The following RGS3 variants were observed in gnomAD, a reference collection of about 807,000 sequenced individuals.
The protein encoded by RGS3 is regulator of G-protein signalling 3.
RGS3 carries 80 observed loss-of-function variants against 132.6 expected under a neutral mutation model. The observed-to-expected ratio is 0.60, with a 90% CI of 0.50 to 0.73. RGS3 has a LOEUF of 0.73. Among genes scored for constraint, RGS3 ranks in the 30% least tolerant of loss-of-function variants. RGS3 has a pLI of 0.00. For synonymous variants in RGS3, 598 were observed against 620.6 expected, an observed-to-expected ratio of 0.96 and a Z score of 0.54; for missense variants, 1,382 against 1,530.8, an observed-to-expected ratio of 0.90 and a Z score of 1.62.
intron 1 of RGS3, among the ~76,000 whole-genome samples, chr9:113,453,030 T>C (rs1353929810): frequency 1.5e-5 from 2 of 131,170 alleles, no homozygotes; most frequent in Non-Finnish European, 3.1e-5. Flanking sequence ...ATATATAATA[T>C]ATAATATATA....
chr9:113,594,091 CTG>C (rs777603286), intron 21 of RGS3: 6 of 1,612,952 alleles, frequency 3.7e-6, no homozygotes, highest in Non-Finnish European at 5.1e-6. Flanking sequence ...CTGGCTCCTC[CTG>C]TCTGAGTCCC....
chr9:113,480,107 A>T (rs1368609735), intron 4 of RGS3, among the ~76,000 whole-genome samples: 1 of 152,200 alleles, frequency 6.6e-6, no homozygotes, highest in Non-Finnish European at 1.5e-5. Flanking sequence ...TACTGTTAGT[A>T]AAGTGCTTAG....
Position 113,537,181 on chromosome 9 carries a change from C to T in RGS3, c.2037+263C>T, listed in dbSNP as rs908236778. Among the ~76,000 whole-genome samples the T allele has an allele frequency of 6.6e-5, 10 of 152,216 alleles. No homozygotes were observed. Among genetic ancestry groups the T allele is most frequent in the African/African-American group, 9.6e-5 (4 of 41,456 alleles). On this transcript the variant is annotated intron_variant, in intron 19 of 24. Coordinates refer to ENST00000350696, the Ensembl canonical transcript of RGS3. This position sits in a 1 kb window ranked among gnomAD's most constrained non-coding sequence, Gnocchi z 4.3. ...CCCATCAGTTCTGCACTCTGTTCTT[C>T]GGTTTGCCTATGGCAAGGTTTAATT...
chr9:113,525,683 G>C (rs1394913446), intron 17 of RGS3, among the ~76,000 whole-genome samples: 1 of 152,172 alleles, frequency 6.6e-6, no homozygotes, highest in Non-Finnish European at 1.5e-5. Context: ...GGCTGGCAGG[G>C]GCTGCTCCCT....
chr9:113,571,809 T>C (rs1048222265), intron 19 of RGS3, among the ~76,000 whole-genome samples: 8 of 152,238 alleles, frequency 5.3e-5, no homozygotes, highest in Non-Finnish European at 1.2e-4. Flanking sequence ...GACATATACT[T>C]TTATGTATTC....
At chr9:113,514,616 C>T (rs765374726) in exon 15 of RGS3, 51 of 1,613,898 alleles carry the variant, frequency 3.2e-5, no homozygotes, top group Non-Finnish European at 4.2e-5. Context: ...CTACGTCACC[C>T]TGGCCCCCAA....
At chr9:113,496,171 G>A (rs1290793865) in intron 8 of RGS3, among the ~76,000 whole-genome samples, 1 of 152,208 alleles carries the variant, frequency 6.6e-6, no homozygotes, top group Non-Finnish European at 1.5e-5. Context: ...GCCTGCCCCA[G>A]AAGATGAGGG....
chr9:113,532,611 G>T (rs972201406), intron 18 of RGS3, among the ~76,000 whole-genome samples: 8 of 152,198 alleles, frequency 5.3e-5, no homozygotes. Flanking sequence ...GGCAGCAGAG[G>T]GTGGTTCTTG....
intron 19 of RGS3, among the ~76,000 whole-genome samples, chr9:113,561,754 A>G (rs1002843520): frequency 2.0e-5 from 3 of 152,088 alleles, no homozygotes; most frequent in Non-Finnish European, 2.9e-5. Flanking sequence ...TCTTCACGCA[A>G]TGGAAGCAGT....
At chr9:113,454,880 ATTC>A (rs1829333086) in intron 1 of RGS3, among the ~76,000 whole-genome samples, 1 of 151,918 alleles carries the variant, frequency 6.6e-6, no homozygotes, top group African/African-American at 2.4e-5. Context: ...GTTCCCTGTA[ATTC>A]TTTGGTGGTT....
intron 10 of RGS3, 114 bp downstream of exon 8, chr9:113,498,194 C>A (rs748856108): frequency 1.2e-6 from 1 of 818,400 alleles, no homozygotes; most frequent in Non-Finnish European, 2.1e-6. Flanking sequence ...CTCAGCAAGT[C>A]ATGTACTCAG....
At position 113,596,030 on chromosome 9, in the gene RGS3, A is replaced by G. The variant is rs567292772; in HGVS notation, c.3411+265A>G. ...TGCGTTCTCATGTTTAATCCACACA[A>G]CAACCTGTGAAACGAAGAGACAGGC... is the stretch of plus-strand genomic sequence containing the variant. On this transcript the variant is annotated intron_variant, in intron 24 of 24. Transcript: ENST00000350696. Among the ~76,000 whole-genome samples, 12 of 152,338 alleles carry G rather than the reference A, an allele frequency of 7.9e-5. No individual in the cohort carries two copies. The East Asian group carries it at 2.3e-3, about 29-fold the overall frequency.
intron 19 of RGS3, among the ~76,000 whole-genome samples, chr9:113,562,322 A>G (rs1028113848): frequency 5.9e-5 from 9 of 152,068 alleles, no homozygotes; most frequent in Non-Finnish European, 1.0e-4. Flanking sequence ...CTAAAAATGC[A>G]AAAAATCAGC....
intron 21 of RGS3, chr9:113,593,448 C>T (rs1414952314): frequency 6.5e-6 from 1 of 153,196 alleles, no homozygotes; most frequent in African/African-American, 2.4e-5. Context: ...TAAAGTGAAA[C>T]ATTTATTATT....
At chr9:113,524,545 G>A (rs1391272051) in intron 17 of RGS3, among the ~76,000 whole-genome samples, 1 of 152,248 alleles carries the variant, frequency 6.6e-6, no homozygotes, top group Non-Finnish European at 1.5e-5. Context: ...GCTACAATTT[G>A]GGTGGAGGTG....
chr9:113,596,257 C>T (rs1490690709), intron 24 of RGS3, among the ~76,000 whole-genome samples: 1 of 152,216 alleles, frequency 6.6e-6, no homozygotes, highest in Non-Finnish European at 1.5e-5. Context: ...TCGCTTGAAC[C>T]CGGGAGGCGG....
At chr9:113,559,263 G>A (rs1833693062) in intron 19 of RGS3, among the ~76,000 whole-genome samples, 1 of 152,258 alleles carries the variant, frequency 6.6e-6, no homozygotes, top group Non-Finnish European at 1.5e-5. Context: ...CACAAGCACA[G>A]TGGGTCGAGG....
rs758518509 is a variant in RGS3 at position 113,506,973 on chromosome 9, G to T, written c.1086-314G>T. Among the ~76,000 whole-genome samples the T allele has an allele frequency of 6.6e-6, 1 of 152,176 alleles. No homozygotes were observed. The highest frequency in any genetic ancestry group is 2.4e-5 in the African/African-American group (1 of 41,450). ...ATGAGGGCTTGCACTTAGGTGACCT[G>T]CTAGCTTTACTTGCTTATATCTTGC... On this transcript the variant is annotated intron_variant, in intron 12 of 24. Transcript: ENST00000350696. The surrounding 1 kb of genome is among the most constrained non-coding windows in gnomAD (Gnocchi z 4.7).
chr9:113,446,128 T>C (rs1034734815), intron 1 of RGS3, among the ~76,000 whole-genome samples: 1 of 152,208 alleles, frequency 6.6e-6, no homozygotes, highest in East Asian at 1.9e-4. Context: ...TGGCCTTAGA[T>C]AGAAATGATT....
Sources: allele counts gnomAD v4.1 joint callset (sites outside exome capture counted in the v4.1 genomes callset), GRCh38; gene constraint gnomAD v4.1.1; non-coding constraint Gnocchi (gnomAD v3.1); transcripts MANE v1.5; gene names NCBI Gene and HGNC (gene_info 2026-07-23, HGNC 2026-07-21).